Variants in AP3S2 observed in about 807,000 individuals in gnomAD.
AP3S2 encodes AP-3 complex subunit sigma-2.
In AP3S2, 22 loss-of-function variants were observed where a neutral mutation model predicts 23.4. The observed-to-expected ratio is 0.94, with a 90% confidence interval of 0.67 to 1.34. The LOEUF (loss-of-function observed/expected upper bound fraction) is 1.34, where lower values mean the gene tolerates loss of function less well. AP3S2 is among the 40% of genes most tolerant of loss of function. The pLI, the probability that AP3S2 is intolerant of heterozygous loss-of-function variation, is 0.00. For missense variants in AP3S2, 241 were observed against 236.9 expected, an observed-to-expected ratio of 1.02 and a Z score of -0.11; for synonymous variants, 86 against 87.1, an observed-to-expected ratio of 0.99 and a Z score of 0.07.
Position 89,883,159 on chromosome 15 carries a change from T to G in AP3S2, c.273+5362A>C, listed in dbSNP as rs115077291. The stretch of plus-strand genomic sequence containing the variant: ...ATGAGACTTCTTTAATTATGAATTT[T>G]CTAGCTGTTTTCTCAGAAATAGGAA... On this transcript the variant is annotated intron_variant, in intron 3 of 5. Coordinates refer to ENST00000336418, the MANE Select transcript of AP3S2 (RefSeq NM_005829.5). Among the ~76,000 whole-genome samples, 1,329 of 152,334 alleles carry G rather than the reference T, an allele frequency of 8.7e-3. 31 individuals are homozygous for G. The highest frequency in any genetic ancestry group is 0.03 in the African/African-American group (1,256 of 41,586).
intron 3 of AP3S2, among the ~76,000 whole-genome samples, chr15:89,882,489 A>T (rs1896595395): frequency 6.6e-6 from 1 of 151,540 alleles, no homozygotes; most frequent in Admixed American, 6.6e-5. Context: ...CTGAGTAGCT[A>T]CGATTACAGG....
At chr15:89,836,153 G>A (rs1895186647) in intron 5 of AP3S2, among the ~76,000 whole-genome samples, 1 of 152,172 alleles carries the variant, frequency 6.6e-6, no homozygotes, top group Non-Finnish European at 1.5e-5. Context: ...CAATCTTGAG[G>A]TTAGATGGGG....
intron 3 of AP3S2, among the ~76,000 whole-genome samples, 171 bp from the exon 4 acceptor site, chr15:89,871,717 T>C (rs1896323059): frequency 6.6e-6 from 1 of 152,222 alleles, no homozygotes; most frequent in Non-Finnish European, 1.5e-5. Context: ...TCACCCTACT[T>C]ATCTCGATTT....
intron 4 of AP3S2, among the ~76,000 whole-genome samples, chr15:89,843,923 G>A (rs1000767937): frequency 2.6e-5 from 4 of 152,174 alleles, no homozygotes; most frequent in South Asian, 4.1e-4. Context: ...ACAACAGATC[G>A]TCAATACTAT....
intron 4 of AP3S2, among the ~76,000 whole-genome samples, chr15:89,857,373 ATGAT>A (rs1895866320): frequency 6.6e-6 from 1 of 151,810 alleles, no homozygotes; most frequent in African/African-American, 2.4e-5. Flanking sequence ...TGCTTAATAA[ATGAT>A]TGTTGTTTGG....
At chr15:89,868,312 C>T (rs1596208264) in intron 4 of AP3S2, among the ~76,000 whole-genome samples, 1 of 86,888 alleles carries the variant, frequency 1.2e-5, no homozygotes. Flanking sequence ...CCCCTCTGCC[C>T]GGCCAGCCGC....
chr15:89,888,283 G>A (rs928632659), intron 3 of AP3S2, among the ~76,000 whole-genome samples: 8 of 152,136 alleles, frequency 5.3e-5, no homozygotes, highest in South Asian at 2.1e-4. Context: ...CACCACACCC[G>A]GCCAAAGTAT....
intron 4 of AP3S2, among the ~76,000 whole-genome samples, chr15:89,841,353 A>C (rs1456778290): frequency 6.6e-6 from 1 of 152,224 alleles, no homozygotes; most frequent in East Asian, 1.9e-4. Flanking sequence ...AAGCTGTCAA[A>C]AGCAGGGAGC....
chr15:89,836,278 G>C (rs574765706), intron 5 of AP3S2, among the ~76,000 whole-genome samples: 3 of 152,202 alleles, frequency 2.0e-5, no homozygotes, highest in African/African-American at 7.2e-5. Flanking sequence ...GCACATGGTG[G>C]GTACCCAATA....
chr15:89,886,997 T>C (rs532077638), intron 3 of AP3S2, among the ~76,000 whole-genome samples: 5 of 152,316 alleles, frequency 3.3e-5, no homozygotes, highest in Middle Eastern at 6.8e-3. Context: ...GGTTTTACCA[T>C]GCTGACCACG....
intron 3 of AP3S2, among the ~76,000 whole-genome samples, chr15:89,887,984 T>A (rs1162921678): frequency 1.3e-5 from 2 of 152,192 alleles, no homozygotes; most frequent in Non-Finnish European, 2.9e-5. Context: ...GAAAAGAAAA[T>A]TCTATAGCTG....
chr15:89,835,204 T>C lies in AP3S2; in HGVS notation c.*311A>G. The C allele has an allele frequency of 2.2e-6, 1 of 459,300 alleles. No individual in the cohort carries two copies. Among genetic ancestry groups the C allele is most frequent in the Non-Finnish European group, 3.8e-6 (1 of 260,828 alleles). 28.5% of individuals were successfully genotyped at this position (459,300 alleles called of 1,614,324 possible). ...AGTCCCTAACCCTTGGGAGCATCCA[T>C]GTGAGAGGTAAAGGTGCAAATGACT... is the stretch of plus-strand genomic sequence containing the variant. On this transcript the variant is annotated 3_prime_UTR_variant, in exon 6 of 6. Transcript: ENST00000336418.
At chr15:89,873,933 T>G (rs1896380870) in intron 3 of AP3S2, among the ~76,000 whole-genome samples, 2 of 135,224 alleles carry the variant, frequency 1.5e-5, no homozygotes, top group East Asian at 2.4e-4. Context: ...CAGGCTGGAG[T>G]GCTGTGGTGT....
intron 4 of AP3S2, 183 bp from the exon 5 acceptor site, chr15:89,837,905 G>A (rs996531871): frequency 2.5e-5 from 15 of 589,934 alleles, no homozygotes; most frequent in Non-Finnish European, 4.4e-5. Context: ...CTTGGCACAT[G>A]GCAACACGAA....
chr15:89,837,229 T>C (rs937513135), intron 5 of AP3S2, among the ~76,000 whole-genome samples: 1 of 152,154 alleles, frequency 6.6e-6, no homozygotes, highest in African/African-American at 2.4e-5. Context: ...GATCAGACTC[T>C]TAGAGCACAC....
At chr15:89,851,603 C>A (rs1895656789) in intron 4 of AP3S2, among the ~76,000 whole-genome samples, 3 of 152,264 alleles carry the variant, frequency 2.0e-5, no homozygotes, top group Non-Finnish European at 1.5e-5. Context: ...TCCCAAAGTG[C>A]TGGGATTACA....
intron 3 of AP3S2, among the ~76,000 whole-genome samples, chr15:89,873,583 C>T (rs1224235363): frequency 6.6e-6 from 1 of 152,138 alleles, no homozygotes; most frequent in Non-Finnish European, 1.5e-5. Context: ...CTGTGCCCGG[C>T]CTCTGTCTTA....
At chr15:89,853,534 G>A (rs1038227512) in intron 4 of AP3S2, among the ~76,000 whole-genome samples, 3 of 152,048 alleles carry the variant, frequency 2.0e-5, no homozygotes, top group East Asian at 3.9e-4. Context: ...CTGCCACCCC[G>A]TCTGGGAAGT....
At chr15:89,850,639 T>C (rs888999214) in intron 4 of AP3S2, 1 of 153,894 alleles carries the variant, frequency 6.5e-6, no homozygotes, top group Non-Finnish European at 1.5e-5. Context: ...GTTGAACAAG[T>C]TGAATGTTTC....
Sources: allele counts gnomAD v4.1 joint callset (sites outside exome capture counted in the v4.1 genomes callset), GRCh38; gene constraint gnomAD v4.1.1; transcripts MANE v1.5; gene names NCBI Gene and HGNC (gene_info 2026-07-23, HGNC 2026-07-21).